SNX24: variants seen among roughly 807,000 people sequenced by gnomAD.
SNX24 encodes sorting nexin-24.
Under a neutral mutation model 28.7 loss-of-function variants are expected in SNX24, and 22 were observed. The observed-to-expected ratio is 0.77, with a 90% CI of 0.55 to 1.10. The LOEUF is 1.10. Ranked by LOEUF, SNX24 falls within the 50% of genes least tolerant of loss-of-function variation. SNX24 has a pLI of 0.00. For missense variants in SNX24, 221 were observed against 201.1 expected (o/e 1.10, Z -0.60); for synonymous variants, 69 against 71.5 (o/e 0.96, Z 0.18).
At position 122,947,778 on chromosome 5, in the gene SNX24, AT is replaced by A. The variant is rs569197492; in HGVS notation, c.249+1621del. 1.4e-3 allele frequency among the ~76,000 whole-genome samples: 211 copies of A among 152,370 alleles called. 1 individual carries two copies. Among genetic ancestry groups the A allele is most frequent in the Non-Finnish European group, 2.0e-3 (138 of 68,028 alleles). On this transcript the variant is annotated intron_variant, in intron 3 of 6. Coordinates refer to ENST00000261369, the MANE Select transcript of SNX24 (RefSeq NM_014035.4). ...ATTAAATGGAATAGGTAAACAATGC[AT>A]TCTTATTTGTAAGCCAGATTTTCCA...
intron 1 of SNX24, among the ~76,000 whole-genome samples, chr5:122,933,185 T>C (rs1759035379): frequency 6.6e-6 from 1 of 152,216 alleles, no homozygotes; most frequent in Non-Finnish European, 1.5e-5. Flanking sequence ...TAGTTCATTT[T>C]CCCTGCTTCT....
chr5:123,021,110 C>CCA (rs1554081407), intron 5 of SNX24, among the ~76,000 whole-genome samples: 1 of 151,870 alleles, frequency 6.6e-6, no homozygotes, highest in African/African-American at 2.4e-5. Flanking sequence ...CAGTTCCCCC[C>CCA]CCGTCCCCAT....
intron 3 of SNX24, among the ~76,000 whole-genome samples, chr5:122,992,023 A>C (rs963079632): frequency 6.6e-6 from 1 of 152,222 alleles, no homozygotes; most frequent in African/African-American, 2.4e-5. Flanking sequence ...GAAAAGAATT[A>C]AACTATGTAG....
chr5:122,922,602 A>G (rs1484623346), intron 1 of SNX24, among the ~76,000 whole-genome samples: 2 of 152,024 alleles, frequency 1.3e-5, no homozygotes, highest in African/African-American at 4.8e-5. Context: ...AATAGCAATA[A>G]AGGCTATTCC....
At chr5:122,905,355 G>C (rs531214225) in intron 1 of SNX24, among the ~76,000 whole-genome samples, 3 of 152,290 alleles carry the variant, frequency 2.0e-5, no homozygotes, top group Admixed American at 6.5e-5. Flanking sequence ...TGAGCTGAAG[G>C]CTGTGATTTT....
intron 1 of SNX24, among the ~76,000 whole-genome samples, chr5:122,863,961 A>G (rs963041634): frequency 6.6e-6 from 1 of 152,164 alleles, no homozygotes; most frequent in Non-Finnish European, 1.5e-5. Context: ...GAGGCAGAGG[A>G]GCGACATGAT....
At chr5:122,935,324 C>T (rs1271061133) in intron 1 of SNX24, among the ~76,000 whole-genome samples, 6 of 151,900 alleles carry the variant, frequency 3.9e-5, no homozygotes, top group Non-Finnish European at 8.8e-5. Context: ...TCTGGCAAGA[C>T]CTTTGAAGAA....
At chr5:122,866,637 A>C (rs1323605718) in intron 1 of SNX24, among the ~76,000 whole-genome samples, 1 of 152,146 alleles carries the variant, frequency 6.6e-6, no homozygotes, top group East Asian at 1.9e-4. Flanking sequence ...TACAGGGTAC[A>C]GTAATATTAA....
chr5:122,899,515 C>A (rs1316277915), intron 1 of SNX24, among the ~76,000 whole-genome samples: 5 of 152,038 alleles, frequency 3.3e-5, no homozygotes, highest in Non-Finnish European at 2.9e-5. Context: ...CTCCATCTGT[C>A]CTCCCATCTT....
intron 4 of SNX24, among the ~76,000 whole-genome samples, chr5:123,000,427 T>C (rs1207887426): frequency 6.6e-6 from 1 of 152,242 alleles, no homozygotes; most frequent in African/African-American, 2.4e-5. Flanking sequence ...ACTCCTCTCA[T>C]TTTGTAGTTG....
intron 3 of SNX24, chr5:122,948,529 C>T (rs1759794283): frequency 2.0e-5 from 3 of 152,208 alleles, no homozygotes; most frequent in African/African-American, 7.2e-5. Context: ...AGCTATTTCA[C>T]AATCATCCCT....
intron 1 of SNX24, among the ~76,000 whole-genome samples, chr5:122,915,435 G>A (rs1758117603): frequency 6.6e-6 from 1 of 152,082 alleles, no homozygotes; most frequent in African/African-American, 2.4e-5. Flanking sequence ...AGACCAGCCT[G>A]GGCAACATAG....
At chr5:122,909,023 T>C (rs1329914111) in intron 1 of SNX24, among the ~76,000 whole-genome samples, 2 of 152,164 alleles carry the variant, frequency 1.3e-5, no homozygotes, top group African/African-American at 4.8e-5. Flanking sequence ...TCTTTTTTTT[T>C]CTTTTTAAAC....
intron 1 of SNX24, among the ~76,000 whole-genome samples, chr5:122,933,960 T>C (rs1264708919): frequency 1.3e-5 from 2 of 151,906 alleles, no homozygotes; most frequent in Non-Finnish European, 2.9e-5. Flanking sequence ...TTTTTGTGTT[T>C]TTAGTAGAGA....
chr5:123,007,733 A>C lies in SNX24; in HGVS notation c.494A>C (p.His165Pro). The change falls in exon 7 of 7, where the codon CAT becomes CCT. Residue 165 changes from histidine to proline, a missense_variant. Physicochemically the swap from His to Pro is moderately conservative, Grantham distance 77. Coordinates refer to ENST00000261369, the MANE Select transcript of SNX24 (RefSeq NM_014035.4). ...EGVLHGIFYP[H>P]LQPR ...GTCCTCCATGGGATATTTTACCCTC[A>C]TCTACAGCCCAGGTAGAAATCCTAC... The C allele has an allele frequency of 6.3e-7, 1 of 1,598,842 alleles. No individual in the cohort carries two copies. The highest frequency in any genetic ancestry group is 8.5e-7 in the Non-Finnish European group (1 of 1,176,558).
At chr5:122,853,993 T>G (rs1755053877) in intron 1 of SNX24, among the ~76,000 whole-genome samples, 1 of 144,264 alleles carries the variant, frequency 6.9e-6, no homozygotes, top group African/African-American at 2.6e-5. Flanking sequence ...TAGTCATAAT[T>G]CTAAATCAAA....
In SNX24 at chr5:122,914,124, GGGGAGA is replaced by G. The variant is rs566906586; in HGVS notation, c.61-22588_61-22583del. Among the ~76,000 whole-genome samples, 1,099 of 152,194 alleles carry G rather than the reference GGGGAGA, an allele frequency of 7.2e-3. 3 individuals carry two copies. Among genetic ancestry groups the G allele is most frequent in the Non-Finnish European group, 9.9e-3 (672 of 68,002 alleles). On this transcript the variant is annotated intron_variant, in intron 1 of 6. Transcript: ENST00000261369. ...GGAAAGAGAGGAAGAGGGAGACCGT[GGGGAGA>G]GGGAGAGGGAGAGGGAGAGGGTCAT...
At chr5:123,025,250 C>T (rs1443079986) in intron 5 of SNX24, among the ~76,000 whole-genome samples, 1 of 152,150 alleles carries the variant, frequency 6.6e-6, no homozygotes, top group Non-Finnish European at 1.5e-5. Flanking sequence ...AACCAATAGC[C>T]AGAATTTTTC....
chr5:122,948,140 T>C (rs1183168503), intron 3 of SNX24, among the ~76,000 whole-genome samples: 1 of 152,260 alleles, frequency 6.6e-6, no homozygotes, highest in African/African-American at 2.4e-5. Context: ...CGCTTGATTC[T>C]ATTTGCAGGC....
Sources: allele counts gnomAD v4.1 joint callset (sites outside exome capture counted in the v4.1 genomes callset), GRCh38; gene constraint gnomAD v4.1.1; transcripts MANE v1.5; gene names NCBI Gene and HGNC (gene_info 2026-07-23, HGNC 2026-07-21).